The following CDH4 variants were observed in gnomAD, a reference collection of about 807,000 sequenced individuals.
CDH4 encodes cadherin-4.
In CDH4, 33 loss-of-function variants were observed where a neutral mutation model predicts 86.0. The observed-to-expected ratio is 0.38, with a 90% confidence interval of 0.29 to 0.51. The LOEUF (loss-of-function observed/expected upper bound fraction) is 0.51, where lower values mean the gene tolerates loss of function less well. Ranked by LOEUF, CDH4 falls within the 20% of genes least tolerant of loss-of-function variation. CDH4 has a pLI of 0.86. For missense variants in CDH4, 1,114 were observed against 1,307.4 expected (o/e 0.85, Z 2.28); for synonymous variants, 555 against 549.4 (o/e 1.01, Z -0.14).
intron 2 of CDH4, among the ~76,000 whole-genome samples, chr20:61,535,503 G>A (rs551270583): frequency 6.2e-4 from 95 of 152,380 alleles, no homozygotes; most frequent in African/African-American, 2.2e-3. Context: ...TCAATTTGTA[G>A]TTTTCCCAGA....
At chr20:61,475,459 CT>C (rs140276437) in intron 2 of CDH4, among the ~76,000 whole-genome samples, 2,768 of 50,004 alleles carry the variant, frequency 0.055, 538 homozygotes, top group Non-Finnish European at 0.11. Flanking sequence ...ACCTCCCCCC[CT>C]CTCTCTCCCT....
intron 3 of CDH4, among the ~76,000 whole-genome samples, chr20:61,746,828 T>C (rs2088420196): frequency 6.6e-6 from 1 of 152,228 alleles, no homozygotes; most frequent in South Asian, 2.1e-4. Flanking sequence ...ATCACAGTGC[T>C]GGGCCTTGCC....
At chr20:61,458,981 C>G (rs1452381960) in intron 2 of CDH4, among the ~76,000 whole-genome samples, 1 of 150,718 alleles carries the variant, frequency 6.6e-6, no homozygotes, top group African/African-American at 2.4e-5. Flanking sequence ...CCTTCTGGAG[C>G]CTGGCAACCT....
chr20:61,588,512 G>A (rs937227072), intron 2 of CDH4, among the ~76,000 whole-genome samples: 5 of 152,174 alleles, frequency 3.3e-5, no homozygotes, highest in Non-Finnish European at 7.3e-5. Context: ...TTCCAGACAC[G>A]AGTAGCCGTG....
At chr20:61,705,468 G>T (rs754575765) in intron 2 of CDH4, among the ~76,000 whole-genome samples, 1 of 152,248 alleles carries the variant, frequency 6.6e-6, no homozygotes, top group Non-Finnish European at 1.5e-5. Context: ...CTCAGTGTGG[G>T]AGAGCCGTAG....
At chr20:61,416,372 G>A (rs1385334171) in intron 2 of CDH4, among the ~76,000 whole-genome samples, 3 of 152,262 alleles carry the variant, frequency 2.0e-5, no homozygotes, top group East Asian at 3.9e-4. Context: ...CCTCATTCAC[G>A]AGTGAATGTT....
intron 2 of CDH4, among the ~76,000 whole-genome samples, chr20:61,305,441 A>G (rs999349428): frequency 2.0e-5 from 3 of 152,092 alleles, no homozygotes; most frequent in Non-Finnish European, 2.9e-5. Flanking sequence ...TGCATTTCCA[A>G]CACTTTTTCT....
intron 3 of CDH4, among the ~76,000 whole-genome samples, chr20:61,746,039 T>G (rs1309638207): frequency 2.0e-5 from 3 of 152,136 alleles, no homozygotes; most frequent in Non-Finnish European, 4.4e-5. Flanking sequence ...CAGGGGACAC[T>G]GAATTCATGT....
In CDH4 at chr20:61,829,384, C is replaced by G. The variant is rs73917530; in HGVS notation, c.577-15284C>G. ...AACATTTCACTGTGTGGGTGGACCACGTTTAGCCACTCAGCAGCTGACAGA... is the reference window on the plus strand; with the variant it reads ...AACATTTCACTGTGTGGGTGGACCAGGTTTAGCCACTCAGCAGCTGACAGA... On this transcript the variant is annotated intron_variant, in intron 4 of 15. Transcript: ENST00000614565. This position sits in a 1 kb window ranked among gnomAD's most constrained non-coding sequence, Gnocchi z 4.2. Among the ~76,000 whole-genome samples, 6,294 of 152,292 alleles carry G rather than the reference C, an allele frequency of 0.041. 232 individuals are homozygous for G. The highest frequency in any genetic ancestry group is 0.1 in the African/African-American group (4,181 of 41,548).
At chr20:61,603,944 T>C (rs534662111) in intron 2 of CDH4, among the ~76,000 whole-genome samples, 30 of 152,186 alleles carry the variant, frequency 2.0e-4, no homozygotes, top group African/African-American at 6.0e-4. Flanking sequence ...TGCATGCACA[T>C]AGGCACACAC....
At chr20:61,853,648 G>T (rs1417723223) in intron 6 of CDH4, among the ~76,000 whole-genome samples, 2 of 152,212 alleles carry the variant, frequency 1.3e-5, no homozygotes, top group Non-Finnish European at 2.9e-5. Context: ...AGGTGAAGCA[G>T]TTGCAGACCC....
At chr20:61,520,710 G>A (rs2085862512) in intron 2 of CDH4, among the ~76,000 whole-genome samples, 2 of 151,012 alleles carry the variant, frequency 1.3e-5, no homozygotes, top group African/African-American at 5.0e-5. Context: ...GAGGGAAGCG[G>A]TAAATCAGAG....
intron 2 of CDH4, among the ~76,000 whole-genome samples, chr20:61,575,683 T>C (rs1057175680): frequency 1.3e-5 from 2 of 152,220 alleles, no homozygotes; most frequent in African/African-American, 2.4e-5. Context: ...ATATTGTCTG[T>C]AACTGCTTTC....
rs531329496 is a variant in CDH4, at chr20:61,829,732, C to T, written c.577-14936C>T. Among the ~76,000 whole-genome samples the T allele has an allele frequency of 5.3e-5, 8 of 152,268 alleles. No individual in the cohort carries two copies. The highest frequency in any genetic ancestry group is 2.1e-4 in the South Asian group (1 of 4,824). On this transcript the variant is annotated intron_variant, in intron 4 of 15. Transcript: ENST00000614565. This position sits in a 1 kb window ranked among gnomAD's most constrained non-coding sequence, Gnocchi z 4.2. ...TGTGCCGACGCCCGTGGGCTGCAGA[C>T]GGGTGGGTGACTGTGGGACCCTTGC...
In CDH4 at chr20:61,518,158, G is replaced by A. The variant is rs528037737; in HGVS notation, c.170-225405G>A. ...GCTCATTCTTCACTCACTGTGTCTG[G>A]GACACTAGGTGGGTGTTTATTCTGC... On this transcript the variant is annotated intron_variant, in intron 2 of 15. Coordinates refer to ENST00000614565, the MANE Select transcript of CDH4 (RefSeq NM_001794.5). This position sits in a 1 kb window ranked among gnomAD's most constrained non-coding sequence, Gnocchi z 6.3. Among the ~76,000 whole-genome samples, 18 of 152,158 alleles carry A rather than the reference G, an allele frequency of 1.2e-4. No individual in the cohort carries two copies. The highest frequency in any genetic ancestry group is 1.6e-4 in the Non-Finnish European group (11 of 68,018).
At chr20:61,841,852 C>G (rs958952176) in intron 4 of CDH4, among the ~76,000 whole-genome samples, 1 of 152,138 alleles carries the variant, frequency 6.6e-6, no homozygotes, top group Non-Finnish European at 1.5e-5. Context: ...TGGCACTGAC[C>G]CCCATGGCGC....
At chr20:61,633,235 A>G (rs2086912714) in intron 2 of CDH4, among the ~76,000 whole-genome samples, 1 of 144,610 alleles carries the variant, frequency 6.9e-6, no homozygotes, top group African/African-American at 2.8e-5. Flanking sequence ...TCATTCATCC[A>G]TCCATCTATC....
At chr20:61,361,457 A>C (rs2084782660) in intron 2 of CDH4, among the ~76,000 whole-genome samples, 2 of 152,106 alleles carry the variant, frequency 1.3e-5, no homozygotes, top group African/African-American at 4.8e-5. Flanking sequence ...TTTCCAGGGG[A>C]TGGGGAGGGG....
intron 2 of CDH4, among the ~76,000 whole-genome samples, chr20:61,468,654 C>T (rs1314244864): frequency 6.6e-6 from 1 of 152,088 alleles, no homozygotes; most frequent in Non-Finnish European, 1.5e-5. Flanking sequence ...ATTCTAACTA[C>T]TTTTTTGTAC....
Sources: gnomAD v4.1 joint callset for allele counts (sites outside exome capture counted in the v4.1 genomes callset) on GRCh38, gnomAD v4.1.1 for gene constraint, Gnocchi (gnomAD v3.1) non-coding constraint, MANE v1.5 for transcripts, NCBI Gene and HGNC (gene_info 2026-07-23, HGNC 2026-07-21) for gene names.